MEIS2: variants seen among roughly 807,000 people sequenced by gnomAD.
The protein encoded by MEIS2 is homeobox protein Meis2.
Under a neutral mutation model 58.6 loss-of-function variants are expected in MEIS2, and 9 were observed. The ratio of observed to expected loss-of-function variants is 0.15; its 90% confidence interval spans 0.09 to 0.27. The LOEUF is 0.27. Among genes scored for constraint, MEIS2 ranks in the 10% least tolerant of loss-of-function variants. The probability of loss-of-function intolerance (pLI) is 1.00; values close to 1 mark genes in which losing one functional copy is unlikely to be tolerated. For synonymous variants in MEIS2, 221 were observed against 228.4 expected, an observed-to-expected ratio of 0.97 and a Z score of 0.29; for missense variants, 427 against 635.0, an observed-to-expected ratio of 0.67 and a Z score of 3.52.
chr15:37,034,038 A>T (rs1195532085), intron 8 of MEIS2, among the ~76,000 whole-genome samples: 1 of 152,134 alleles, frequency 6.6e-6, no homozygotes, highest in Non-Finnish European at 1.5e-5. Flanking sequence ...AGACAAAGCT[A>T]GTGGGAGAAA....
chr15:36,956,092 A>T lies in MEIS2; in HGVS notation c.901-5692T>A, dbSNP rs2058960973. 2.2e-5 allele frequency among the ~76,000 whole-genome samples: 3 copies of T among 137,248 alleles called. No individual in the cohort carries two copies. In the Admixed American group the frequency reaches 2.3e-4, roughly 11 times the overall value. 90.0% of individuals were successfully genotyped at this position (137,248 alleles called of 152,430 possible). On this transcript the variant is annotated intron_variant, in intron 8 of 11. Transcript: ENST00000561208. Reference sequence around the variant, plus strand: ...GGCGCCTGTAGTCCAGCTACTCGGGAGGCTGAGGCAGGAGAATGGCGTGAA... The same window carrying T: ...GGCGCCTGTAGTCCAGCTACTCGGGTGGCTGAGGCAGGAGAATGGCGTGAA...
At chr15:36,924,462 A>G (rs1008643197) in intron 9 of MEIS2, among the ~76,000 whole-genome samples, 2 of 152,230 alleles carry the variant, frequency 1.3e-5, no homozygotes, top group Non-Finnish European at 2.9e-5. Context: ...GAACCAAACC[A>G]AAGTTTAAAA....
chr15:37,067,253 C>A (rs1007678843), intron 7 of MEIS2, among the ~76,000 whole-genome samples: 2 of 151,982 alleles, frequency 1.3e-5, no homozygotes, highest in African/African-American at 4.8e-5. Context: ...TCATGTCTGG[C>A]TAATTTTTGT....
chr15:37,059,227 A>G (rs1050569323), intron 7 of MEIS2, among the ~76,000 whole-genome samples: 12 of 152,212 alleles, frequency 7.9e-5, no homozygotes, highest in Non-Finnish European at 4.4e-5. Context: ...TGAATAATAT[A>G]ACAATTTTCT....
chr15:37,029,235 T>C (rs970177411), intron 8 of MEIS2, among the ~76,000 whole-genome samples: 2 of 152,224 alleles, frequency 1.3e-5, no homozygotes, highest in African/African-American at 4.8e-5. Context: ...CAGCTGTGTG[T>C]TCTGCATGTG....
intron 9 of MEIS2, among the ~76,000 whole-genome samples, chr15:36,919,746 A>T (rs1048059654): frequency 2.0e-5 from 3 of 152,222 alleles, no homozygotes; most frequent in African/African-American, 7.2e-5. Flanking sequence ...ATTGACTTGC[A>T]CTTGGTATTT....
chr15:37,056,917 G>A (rs546347339), intron 7 of MEIS2, among the ~76,000 whole-genome samples: 4 of 152,298 alleles, frequency 2.6e-5, no homozygotes, highest in African/African-American at 7.2e-5. Flanking sequence ...AATGATTTCC[G>A]CCTTAACGCC....
chr15:36,957,373 T>C (rs2059018372), intron 8 of MEIS2, among the ~76,000 whole-genome samples: 1 of 152,176 alleles, frequency 6.6e-6, no homozygotes, highest in Non-Finnish European at 1.5e-5. Flanking sequence ...ATTGCAATCA[T>C]CTGGCTAATT....
At chr15:36,909,975 G>T (rs2056927826) in intron 9 of MEIS2, among the ~76,000 whole-genome samples, 1 of 152,146 alleles carries the variant, frequency 6.6e-6, no homozygotes, top group Non-Finnish European at 1.5e-5. Context: ...GGCCAAGGCA[G>T]GAGGATTGCT....
intron 8 of MEIS2, among the ~76,000 whole-genome samples, chr15:37,011,607 GTTTTTTTTTTTTTTTTTTT>G (rs574386772): frequency 2.2e-4 from 15 of 66,762 alleles, no homozygotes; most frequent in South Asian, 2.0e-3. Flanking sequence ...TCTATCAGTG[GTTTTTTTTTTTTTTTTTTT>G]TTTTTTTTTT....
At chr15:36,910,918 G>A (rs948739636) in intron 9 of MEIS2, among the ~76,000 whole-genome samples, 1 of 151,938 alleles carries the variant, frequency 6.6e-6, no homozygotes, top group Non-Finnish European at 1.5e-5. Flanking sequence ...TGGTGGCGGC[G>A]CCTGTACTCC....
At chr15:37,098,302 G>C in intron 1 of MEIS2, 103 bp from the exon 2 acceptor site, 6 of 1,395,624 alleles carry the variant, frequency 4.3e-6, no homozygotes, top group Non-Finnish European at 5.6e-6. Flanking sequence ...GAACAGAAAA[G>C]AGAGGAAGGG....
At chr15:37,076,997 A>G (rs1891510701) in intron 7 of MEIS2, among the ~76,000 whole-genome samples, 2 of 152,094 alleles carry the variant, frequency 1.3e-5, no homozygotes, top group Admixed American at 1.3e-4. Flanking sequence ...GATAAGATAC[A>G]TCTGTCCCTT....
At chr15:37,096,556 A>G in intron 2 of MEIS2, 126 bp from the exon 3 acceptor site, 1 of 1,163,822 alleles carries the variant, frequency 8.6e-7, no homozygotes. Flanking sequence ...CACGCACCAC[A>G]CTTTACAACC....
At chr15:37,067,239 A>G (rs1247837693) in intron 7 of MEIS2, among the ~76,000 whole-genome samples, 1 of 151,984 alleles carries the variant, frequency 6.6e-6, no homozygotes, top group East Asian at 1.9e-4. Flanking sequence ...ACAGGTGTGC[A>G]CCATCATGTC....
At chr15:37,068,701 T>C (rs997358049) in intron 7 of MEIS2, among the ~76,000 whole-genome samples, 11 of 152,216 alleles carry the variant, frequency 7.2e-5, no homozygotes, top group African/African-American at 2.7e-4. Context: ...CAAATGTTAC[T>C]AGACAACATG....
intron 8 of MEIS2, among the ~76,000 whole-genome samples, chr15:36,994,233 C>T (rs2141566869): frequency 6.6e-6 from 1 of 152,116 alleles, no homozygotes; most frequent in African/African-American, 2.4e-5. Context: ...AAAGAAACTG[C>T]AAAGGAAAAC....
At chr15:36,951,960 C>T (rs930926665) in intron 8 of MEIS2, among the ~76,000 whole-genome samples, 6 of 152,248 alleles carry the variant, frequency 3.9e-5, no homozygotes, top group Admixed American at 3.9e-4. Context: ...TTGGAATCCA[C>T]AGTCAGTAAT....
intron 8 of MEIS2, among the ~76,000 whole-genome samples, chr15:36,950,686 G>A (rs2058724418): frequency 2.0e-5 from 3 of 152,052 alleles, no homozygotes; most frequent in Admixed American, 6.6e-5. Flanking sequence ...TTTTGTGATG[G>A]TGTCAGAATT....
Sources: gnomAD v4.1 joint callset for allele counts (sites outside exome capture counted in the v4.1 genomes callset) on GRCh38, gnomAD v4.1.1 for gene constraint, MANE v1.5 for transcripts, NCBI Gene and HGNC (gene_info 2026-07-23, HGNC 2026-07-21) for gene names.